The following EXOC4 variants were observed in gnomAD, a reference collection of about 807,000 sequenced individuals.
EXOC4 encodes exocyst complex component 4.
EXOC4 carries 71 observed loss-of-function variants against 107.2 expected under a neutral mutation model. That is an observed-to-expected ratio of 0.66 (90% CI 0.55 to 0.81). The LOEUF is 0.81. Ranked by LOEUF, EXOC4 falls within the 30% of genes least tolerant of loss-of-function variation. The probability of loss-of-function intolerance (pLI) is 0.00; values close to 1 mark genes in which losing one functional copy is unlikely to be tolerated. For synonymous variants in EXOC4, 456 were observed against 441.2 expected (o/e 1.03, Z -0.42); for missense variants, 1,108 against 1,189.6 (o/e 0.93, Z 1.01).
At chr7:133,462,692 C>T (rs1187763335) in intron 7 of EXOC4, among the ~76,000 whole-genome samples, 1 of 152,006 alleles carries the variant, frequency 6.6e-6, no homozygotes, top group African/African-American at 2.4e-5. Flanking sequence ...TTATATTTTT[C>T]CCTGGTACCT....
chr7:133,996,343 A>T (rs1794392268), intron 14 of EXOC4, among the ~76,000 whole-genome samples: 1 of 152,180 alleles, frequency 6.6e-6, no homozygotes, highest in Non-Finnish European at 1.5e-5. Context: ...CTTAAAGCCA[A>T]ACTTTGAGGC....
chr7:133,814,526 T>G (rs2550990), intron 10 of EXOC4, among the ~76,000 whole-genome samples: 5 of 152,062 alleles, frequency 3.3e-5, no homozygotes, highest in Non-Finnish European at 7.4e-5. Context: ...GATATAGCTC[T>G]CAGAAGAATT....
chr7:133,408,272 G>A (rs1295784496), intron 7 of EXOC4, among the ~76,000 whole-genome samples: 1 of 151,534 alleles, frequency 6.6e-6, no homozygotes, highest in Non-Finnish European at 1.5e-5. Flanking sequence ...TGATCGTGGG[G>A]GTCATGGTAG....
intron 17 of EXOC4, among the ~76,000 whole-genome samples, chr7:134,060,706 C>A (rs1401898590): frequency 1.3e-5 from 2 of 152,184 alleles, no homozygotes; most frequent in East Asian, 1.9e-4. Context: ...CCTGGTAGCA[C>A]CCTTTCCCCA....
At position 133,340,234 on chromosome 7, in the gene EXOC4, C is replaced by T. The variant is rs543850467; in HGVS notation, c.764-16096C>T. Among the ~76,000 whole-genome samples, 10 of 152,052 alleles carry T rather than the reference C, an allele frequency of 6.6e-5. No individual in the cohort carries two copies. The South Asian group carries it at 1.9e-3, about 28-fold the overall frequency. ...TTAATCATAAAGTGATGCTGGATTT[C>T]GTCCAATGTTTTTTCTGCATCTATT... On this transcript the variant is annotated intron_variant, in intron 5 of 17. Coordinates refer to ENST00000253861, the MANE Select transcript of EXOC4 (RefSeq NM_021807.4).
chr7:134,051,335 C>T (rs910704165), intron 17 of EXOC4, among the ~76,000 whole-genome samples: 1 of 152,182 alleles, frequency 6.6e-6, no homozygotes, highest in African/African-American at 2.4e-5. Context: ...ATAGCAGAAT[C>T]AGAGAAGAAA....
chr7:133,347,174 A>G (rs534040372), intron 5 of EXOC4, among the ~76,000 whole-genome samples: 4 of 152,082 alleles, frequency 2.6e-5, no homozygotes, highest in South Asian at 2.1e-4. Context: ...TAAGTGAGCC[A>G]TCTATAATAT....
chr7:133,839,955 C>G lies in EXOC4; in HGVS notation c.1734+22411C>G, dbSNP rs534209033. ...AGTTTATTAGAGAAGGGCAGATATACTAATAAATCAATGTTATATCTGCCA... is the reference window on the plus strand; with the variant it reads ...AGTTTATTAGAGAAGGGCAGATATAGTAATAAATCAATGTTATATCTGCCA... On this transcript the variant is annotated intron_variant, in intron 11 of 17. Coordinates refer to ENST00000253861, the MANE Select transcript of EXOC4 (RefSeq NM_021807.4). Among the ~76,000 whole-genome samples, 3 of 151,972 alleles carry G rather than the reference C, an allele frequency of 2.0e-5. No individual in the cohort carries two copies. In the South Asian group the frequency reaches 6.2e-4, roughly 32 times the overall value.
chr7:133,451,233 T>A (rs537221801), intron 7 of EXOC4, among the ~76,000 whole-genome samples: 60 of 145,076 alleles, frequency 4.1e-4, no homozygotes, highest in Admixed American at 8.5e-4. Flanking sequence ...TTTTTTTTTT[T>A]AAATCTTTTG....
chr7:133,987,978 ATAT>A (rs1465037235), intron 14 of EXOC4, among the ~76,000 whole-genome samples: 2 of 152,350 alleles, frequency 1.3e-5, no homozygotes, highest in African/African-American at 4.8e-5. Flanking sequence ...AGTCTGGTTA[ATAT>A]TAGGATGTGG....
chr7:133,845,335 A>AGTGTGTGTGTGTGTGTGTGTGT (rs34845137), intron 11 of EXOC4, among the ~76,000 whole-genome samples: 54 of 138,020 alleles, frequency 3.9e-4, no homozygotes, highest in African/African-American at 1.4e-3. Flanking sequence ...GCAGGTTAGT[A>AGTGTGTGTGTGTGTGTGTGTGT]GTGTGTGTGT....
rs537824368 is a variant in EXOC4 at position 133,346,299 on chromosome 7, C to G, written c.764-10031C>G. ...GTGGAGCGCATTAAGTCTTTATTAC[C>G]CTGCATGGGCCAAATCCAGCCTGCT... On this transcript the variant is annotated intron_variant, in intron 5 of 17. Coordinates refer to ENST00000253861, the MANE Select transcript of EXOC4 (RefSeq NM_021807.4). 7.2e-5 allele frequency among the ~76,000 whole-genome samples: 11 copies of G among 152,162 alleles called. No individual in the cohort carries two copies. The East Asian group carries it at 2.1e-3, about 29-fold the overall frequency.
chr7:133,256,311 A>C (rs1562990545), intron 1 of EXOC4, among the ~76,000 whole-genome samples: 1 of 152,094 alleles, frequency 6.6e-6, no homozygotes, highest in Non-Finnish European at 1.5e-5. Flanking sequence ...TCCTCATATA[A>C]AACTTTGATT....
intron 13 of EXOC4, among the ~76,000 whole-genome samples, chr7:133,937,217 T>C (rs1476773521): frequency 1.3e-5 from 2 of 152,188 alleles, no homozygotes; most frequent in Non-Finnish European, 2.9e-5. Context: ...TTTGAAGATA[T>C]TGGGCTCTGC....
intron 7 of EXOC4, among the ~76,000 whole-genome samples, chr7:133,411,227 A>G (rs1797348138): frequency 6.6e-6 from 1 of 152,200 alleles, no homozygotes; most frequent in Non-Finnish European, 1.5e-5. Context: ...ATGTATGTAG[A>G]TTAGTGCAAA....
intron 5 of EXOC4, among the ~76,000 whole-genome samples, chr7:133,348,766 T>C (rs1795842665): frequency 6.6e-6 from 1 of 152,210 alleles, no homozygotes; most frequent in African/African-American, 2.4e-5. Flanking sequence ...AGCTTCTTCA[T>C]GTGTAAAACA....
At chr7:134,051,386 CA>C (rs1795783288) in intron 17 of EXOC4, among the ~76,000 whole-genome samples, 1 of 152,130 alleles carries the variant, frequency 6.6e-6, no homozygotes, top group Non-Finnish European at 1.5e-5. Flanking sequence ...AATGTGGCTT[CA>C]TGGGGCCAGG....
At chr7:133,327,427 C>T (rs1021780583) in intron 5 of EXOC4, among the ~76,000 whole-genome samples, 5 of 151,516 alleles carry the variant, frequency 3.3e-5, no homozygotes, top group African/African-American at 1.2e-4. Flanking sequence ...TTTTTTGTGC[C>T]TGTATCTCCT....
intron 14 of EXOC4, among the ~76,000 whole-genome samples, chr7:133,963,754 A>G (rs760873906): frequency 3.3e-5 from 5 of 152,242 alleles, no homozygotes; most frequent in Non-Finnish European, 7.3e-5. Flanking sequence ...CAATCCTTTA[A>G]GCCTGCTCTG....
Sources: gnomAD v4.1 joint callset for allele counts (sites outside exome capture counted in the v4.1 genomes callset) on GRCh38, gnomAD v4.1.1 for gene constraint, MANE v1.5 for transcripts, NCBI Gene and HGNC (gene_info 2026-07-23, HGNC 2026-07-21) for gene names.